OPCML: variants seen among roughly 807,000 people sequenced by gnomAD.
The protein encoded by OPCML is opioid-binding protein/cell adhesion molecule.
A neutral mutation model predicts 37.8 loss-of-function variants in OPCML; 13 were observed. The ratio of observed to expected loss-of-function variants is 0.34; its 90% CI spans 0.22 to 0.55. The LOEUF (loss-of-function observed/expected upper bound fraction) is 0.55. Ranked by LOEUF, OPCML falls within the 20% of genes least tolerant of loss-of-function variation. The probability of loss-of-function intolerance (pLI) is 0.91; values close to 1 mark genes in which losing one functional copy is unlikely to be tolerated. For synonymous variants in OPCML, 176 were observed against 168.8 expected (o/e 1.04, Z -0.33); for missense variants, 341 against 435.6 (o/e 0.78, Z 1.93).
intron 3 of OPCML, among the ~76,000 whole-genome samples, chr11:132,583,377 T>C (rs1036575728): frequency 6.6e-6 from 1 of 152,112 alleles, no homozygotes; most frequent in African/African-American, 2.4e-5. Context: ...TGGCTTATTG[T>C]AGCCTCGAAC....
intron 1 of OPCML, among the ~76,000 whole-genome samples, chr11:133,476,780 A>G (rs1216282257): frequency 6.6e-6 from 1 of 152,180 alleles, no homozygotes; most frequent in African/African-American, 2.4e-5. Context: ...GAGGGCCGGT[A>G]GTTTTGGCCC....
At chr11:132,603,512 C>T (rs1938068162) in intron 3 of OPCML, among the ~76,000 whole-genome samples, 1 of 152,182 alleles carries the variant, frequency 6.6e-6, no homozygotes, top group Non-Finnish European at 1.5e-5. Context: ...CATCATTTGC[C>T]TGGATAACTA....
At chr11:133,247,040 T>G (rs1334644229) in intron 1 of OPCML, among the ~76,000 whole-genome samples, 3 of 151,926 alleles carry the variant, frequency 2.0e-5, no homozygotes, top group Non-Finnish European at 4.4e-5. Flanking sequence ...GAAGATGAGA[T>G]CAGCTTTTGA....
At chr11:133,221,168 C>T (rs1428663882) in intron 1 of OPCML, among the ~76,000 whole-genome samples, 2 of 152,188 alleles carry the variant, frequency 1.3e-5, no homozygotes, top group Admixed American at 6.5e-5. Flanking sequence ...CCCCGTCAAC[C>T]ACCCCCTTAG....
chr11:132,853,183 G>A (rs569163454), intron 2 of OPCML, among the ~76,000 whole-genome samples: 1 of 152,254 alleles, frequency 6.6e-6, no homozygotes, highest in African/African-American at 2.4e-5. Context: ...TTTATTGCCA[G>A]TTATAAAATT....
intron 3 of OPCML, among the ~76,000 whole-genome samples, chr11:132,569,188 T>G (rs1200000382): frequency 6.6e-6 from 1 of 152,156 alleles, no homozygotes; most frequent in Non-Finnish European, 1.5e-5. Context: ...GAAGGTAACA[T>G]CTATAAAGAG....
At chr11:133,017,694 TTTAGA>T (rs1224580891) in intron 1 of OPCML, among the ~76,000 whole-genome samples, 2 of 152,206 alleles carry the variant, frequency 1.3e-5, no homozygotes, top group African/African-American at 4.8e-5. Flanking sequence ...TGGCTTCTTC[TTTAGA>T]TTATAGTTTA....
At chr11:132,803,157 C>T (rs1356559343) in intron 2 of OPCML, among the ~76,000 whole-genome samples, 1 of 152,130 alleles carries the variant, frequency 6.6e-6, no homozygotes, top group South Asian at 2.1e-4. Context: ...TAGGAAAACG[C>T]CATTAGCAGC....
intron 1 of OPCML, among the ~76,000 whole-genome samples, chr11:133,188,766 T>C (rs889526744): frequency 2.0e-5 from 3 of 152,178 alleles, no homozygotes; most frequent in Non-Finnish European, 4.4e-5. Context: ...TGAAGATCTA[T>C]AAATTATCCT....
intron 2 of OPCML, among the ~76,000 whole-genome samples, chr11:132,823,291 G>A (rs1249495313): frequency 6.6e-6 from 1 of 152,064 alleles, no homozygotes; most frequent in Non-Finnish European, 1.5e-5. Flanking sequence ...ATAAGCTCTT[G>A]AGAACATGCC....
intron 1 of OPCML, among the ~76,000 whole-genome samples, chr11:132,955,911 T>C (rs7127146): frequency 0.15 from 23,441 of 152,026 alleles, 2,414 homozygotes; most frequent in African/African-American, 0.29. Context: ...ATGCTGAACC[T>C]TTTCCTATTT....
At chr11:132,983,566 G>C (rs533666287) in intron 1 of OPCML, among the ~76,000 whole-genome samples, 2 of 151,846 alleles carry the variant, frequency 1.3e-5, no homozygotes, top group South Asian at 4.2e-4. Flanking sequence ...TTATTTACTG[G>C]GTAAGCTCCT....
chr11:132,479,457 C>T (rs1311138421), intron 4 of OPCML, among the ~76,000 whole-genome samples: 1 of 152,206 alleles, frequency 6.6e-6, no homozygotes, highest in Non-Finnish European at 1.5e-5. Flanking sequence ...AAGGGGCGCC[C>T]ACCATTGCCC....
intron 2 of OPCML, among the ~76,000 whole-genome samples, chr11:132,709,921 T>C (rs919349781): frequency 6.6e-6 from 1 of 152,236 alleles, no homozygotes; most frequent in Non-Finnish European, 1.5e-5. Context: ...AGCACTGTCA[T>C]TTTAAACAAA....
At chr11:132,916,745 G>T (rs1043417697) in intron 2 of OPCML, among the ~76,000 whole-genome samples, 3 of 152,058 alleles carry the variant, frequency 2.0e-5, no homozygotes, top group African/African-American at 7.2e-5. Context: ...GACTTTGTAG[G>T]GGTGTTCGAG....
At chr11:133,114,139 C>T (rs535148519) in intron 1 of OPCML, among the ~76,000 whole-genome samples, 5 of 152,280 alleles carry the variant, frequency 3.3e-5, no homozygotes, top group Admixed American at 3.3e-4. Context: ...TCACAGAAAT[C>T]TTATGCGACA....
chr11:133,234,633 C>T (rs1480626746), intron 1 of OPCML, among the ~76,000 whole-genome samples: 2 of 152,238 alleles, frequency 1.3e-5, no homozygotes, highest in Non-Finnish European at 2.9e-5. Flanking sequence ...AGCTAGTCAT[C>T]TCCCTCCTCA....
At position 132,657,479 on chromosome 11, in the gene OPCML, TA is replaced by T. The variant is rs1941766099; in HGVS notation, c.147-161del. On this transcript the variant is annotated intron_variant, in intron 2 of 7. Coordinates refer to ENST00000524381, the MANE Select transcript of OPCML (RefSeq NM_001012393.5). The stretch of plus-strand genomic sequence containing the variant: ...AATTATTGATGAAACTTCCTAAATA[TA>T]AACTAAGAGTGACCAGAATCATCTT... The T allele has an allele frequency of 9.6e-6, 9 of 941,750 alleles. No homozygotes were observed. The South Asian group carries it at 2.9e-4, about 31-fold the overall frequency. The allele number at this position is 941,750 out of a possible 1,614,324, so 58.3% of individuals were successfully genotyped here.
chr11:132,766,356 G>A (rs76835018), intron 2 of OPCML, among the ~76,000 whole-genome samples: 275 of 152,302 alleles, frequency 1.8e-3, no homozygotes, highest in African/African-American at 6.5e-3. Flanking sequence ...TAACATTAAA[G>A]TGGAGAATCC....
Sources: allele counts gnomAD v4.1 joint callset (sites outside exome capture counted in the v4.1 genomes callset), GRCh38; gene constraint gnomAD v4.1.1; transcripts MANE v1.5; gene names NCBI Gene and HGNC (gene_info 2026-07-23, HGNC 2026-07-21).